The following ZNF787 variants were observed in gnomAD, a reference collection of about 807,000 sequenced individuals.
ZNF787 encodes the protein TTF-I-interacting peptide 20.
In ZNF787, 7 loss-of-function variants were observed where a neutral mutation model predicts 16.9. The ratio of observed to expected loss-of-function variants is 0.42; its 90% confidence interval spans 0.24 to 0.78. The LOEUF (loss-of-function observed/expected upper bound fraction) is 0.78, where lower values mean the gene tolerates loss of function less well. Among genes scored for constraint, ZNF787 ranks in the 30% least tolerant of loss-of-function variants. The pLI is 0.30. For missense variants in ZNF787, 551 were observed against 589.3 expected (o/e 0.94, Z 0.67); for synonymous variants, 345 against 270.9 (o/e 1.27, Z -2.69).
chr19:56,120,920 G>T (rs1232215785), intron 1 of ZNF787, among the ~76,000 whole-genome samples: 2 of 94,000 alleles, frequency 2.1e-5, no homozygotes, highest in African/African-American at 4.0e-5. Context: ...CCCCCCTCCA[G>T]CCCCGCTCGC....
At chr19:56,089,509 G>A (rs577537771) in intron 2 of ZNF787, among the ~76,000 whole-genome samples, 8 of 152,294 alleles carry the variant, frequency 5.3e-5, no homozygotes, top group Non-Finnish European at 1.0e-4. Context: ...CAGAGGGGCC[G>A]CAGGGCTTGA....
Position 56,087,792 on chromosome 19 carries a change from A to C in ZNF787, c.*231T>G, listed in dbSNP as rs1415964190. On this transcript the variant is annotated 3_prime_UTR_variant, in exon 3 of 3. Coordinates refer to ENST00000610935, the MANE Select transcript of ZNF787 (RefSeq NM_001002836.4). ...CCGGCTCGCAGGCCGATAACTTAGGAAGGGCGGGCCAGGCTGAGGGGGCAG... is the reference window on the plus strand; with the variant it reads ...CCGGCTCGCAGGCCGATAACTTAGGCAGGGCGGGCCAGGCTGAGGGGGCAG... The C allele has an allele frequency of 9.8e-6, 6 of 614,864 alleles. No individual in the cohort carries two copies. Among genetic ancestry groups the C allele is most frequent in the Non-Finnish European group, 1.4e-5 (6 of 437,016 alleles). The allele number at this position is 614,864 out of a possible 1,614,324, so 38.1% of individuals were successfully genotyped here. A position where few individuals can be genotyped will look rare whatever the true frequency, so the allele number is the denominator to read the frequency against.
chr19:56,103,090 G>A (rs376761312), intron 2 of ZNF787, 49 bp downstream of exon 2: 873 of 1,593,850 alleles, frequency 5.5e-4, no homozygotes, highest in Admixed American at 9.0e-4. Context: ...GGAAGCCAGG[G>A]TCAGGTGGGA....
At chr19:56,107,217 A>G (rs975543464) in intron 1 of ZNF787, among the ~76,000 whole-genome samples, 1 of 152,184 alleles carries the variant, frequency 6.6e-6, no homozygotes, top group Non-Finnish European at 1.5e-5. Context: ...CAGAGGCCCA[A>G]GGTCTCTCCG....
At chr19:56,120,636 G>A (rs1253727058) in intron 1 of ZNF787, among the ~76,000 whole-genome samples, 1 of 151,744 alleles carries the variant, frequency 6.6e-6, no homozygotes, top group Non-Finnish European at 1.5e-5. Context: ...GGGGAAGGAA[G>A]GGCTGGGGGG....
At chr19:56,101,929 C>T (rs1247756738) in intron 2 of ZNF787, 3 of 152,232 alleles carry the variant, frequency 2.0e-5, no homozygotes, top group African/African-American at 4.8e-5. Context: ...CCCACTGAGA[C>T]GCGGGGCAGC....
intron 2 of ZNF787, among the ~76,000 whole-genome samples, chr19:56,096,965 C>G (rs1176904389): frequency 2.0e-5 from 3 of 152,086 alleles, no homozygotes; most frequent in Admixed American, 6.5e-5. Flanking sequence ...ATCGGGAACT[C>G]CATCTGGGGT....
chr19:56,092,608 CCTTTT>C (rs1235313526), intron 2 of ZNF787, among the ~76,000 whole-genome samples: 1 of 151,040 alleles, frequency 6.6e-6, no homozygotes, highest in Non-Finnish European at 1.5e-5. Context: ...TTTCATTCAT[CCTTTT>C]CTTTGTGACA....
intron 1 of ZNF787, among the ~76,000 whole-genome samples, chr19:56,118,079 G>A (rs139188062): frequency 2.1e-3 from 315 of 152,324 alleles, no homozygotes; most frequent in African/African-American, 7.3e-3. Flanking sequence ...GCCTGGGGCC[G>A]CCCCACCTGG....
intron 2 of ZNF787, among the ~76,000 whole-genome samples, chr19:56,094,456 G>T (rs1387042285): frequency 6.7e-6 from 1 of 149,830 alleles, no homozygotes; most frequent in East Asian, 2.0e-4. Flanking sequence ...TTACAAGCAT[G>T]AGCCACCACG....
rs771561100 is a variant in ZNF787, at chr19:56,088,236, G to A, written c.936C>T (p.Gly312=). The A allele has an allele frequency of 6.1e-6, 9 of 1,477,990 alleles. No individual in the cohort carries two copies. In the African/African-American group the frequency reaches 7.4e-5, roughly 12 times the overall value. The allele number at this position is 1,477,990 out of a possible 1,614,324, so 91.6% of individuals were successfully genotyped here. ...QHGDGLGAAG[G]EEPAHICVEC... is the part of the protein sequence containing the mutation. ...CCACGCAGATGTGGGCCGGCTCCTC[G>A]CCCCCCGCCGCCCCGAGCCCGTCCC... Residue 312 remains glycine, a synonymous_variant, in exon 3 of 3, where the codon GGC becomes GGT. Transcript: ENST00000610935. The surrounding 1 kb of genome is among the most constrained non-coding windows in gnomAD (Gnocchi z 8.6).
intron 2 of ZNF787, among the ~76,000 whole-genome samples, chr19:56,089,838 G>T (rs544649350): frequency 1.3e-3 from 193 of 152,282 alleles, no homozygotes; most frequent in African/African-American, 3.7e-3. Flanking sequence ...AGTCAACGAG[G>T]CCTTTCACAC....
rs572397863 is a variant in ZNF787 at position 56,103,294 on chromosome 19, A to G, written c.-10-67T>C. 7 of 1,413,530 alleles carry G rather than the reference A, an allele frequency of 5.0e-6. No individual in the cohort carries two copies. In the South Asian group the frequency reaches 1.0e-4, roughly 20 times the overall value. 87.6% of individuals were successfully genotyped at this position (1,413,530 alleles called of 1,614,324 possible). A position where few individuals can be genotyped will look rare whatever the true frequency, so the allele number is the denominator to read the frequency against. Reference sequence around the variant, plus strand: ...TGCCAGGCTGCACCGAGGGCCCTGCAGGGAGGCAGCCTGCAGACCCCGGCG... The same window carrying G: ...TGCCAGGCTGCACCGAGGGCCCTGCGGGGAGGCAGCCTGCAGACCCCGGCG... On this transcript the variant is annotated intron_variant, in intron 1 of 2. Transcript: ENST00000610935.
intron 2 of ZNF787, among the ~76,000 whole-genome samples, chr19:56,090,380 G>T (rs939507706): frequency 6.6e-6 from 1 of 152,070 alleles, no homozygotes; most frequent in Admixed American, 6.6e-5. Context: ...AGTAGACTGG[G>T]TCCAAGAAAC....
rs5828672 is a variant in ZNF787, at chr19:56,088,071, CTCGTCG to C, written c.1095_1100del (p.Asp365_Asp366del). 1,419 of 1,470,386 alleles carry C rather than the reference CTCGTCG, an allele frequency of 9.7e-4. 32 individuals carry two copies. In the East Asian group the frequency reaches 0.026, roughly 27 times the overall value. The allele number at this position is 1,470,386 out of a possible 1,614,324, so 91.1% of individuals were successfully genotyped here. On this transcript the variant is annotated inframe_deletion, in exon 3 of 3. Coordinates refer to ENST00000610935, the MANE Select transcript of ZNF787 (RefSeq NM_001002836.4). This position sits in a 1 kb window ranked among gnomAD's most constrained non-coding sequence, Gnocchi z 8.6. ...ACTCGGGGCACCGCCCGCCCGCGGC[CTCGTCG>C]TCGTCGTCCTCCTCCTCCCCGCCCG... is the stretch of plus-strand genomic sequence containing the variant.
intron 1 of ZNF787, among the ~76,000 whole-genome samples, chr19:56,106,053 G>A (rs1430932623): frequency 7.2e-6 from 1 of 138,498 alleles, no homozygotes; most frequent in African/African-American, 2.8e-5. Context: ...CAGTCACCGC[G>A]CATTCCGCCC....
chr19:56,088,204 C>A lies in ZNF787; in HGVS notation c.968G>T (p.Gly323Val). 6.5e-7 allele frequency: 1 copy of A among 1,532,402 alleles called. No homozygotes were observed. The highest frequency in any genetic ancestry group is 8.7e-7 in the Non-Finnish European group (1 of 1,145,790). 94.9% of individuals were successfully genotyped at this position (1,532,402 alleles called of 1,614,324 possible). Residue 323 changes from glycine (G) to valine (V), a missense_variant, in exon 3 of 3, where the codon GGG (glycine) becomes GTG (valine). Physicochemically the swap from Gly to Val is moderately radical, Grantham distance 109 (BLOSUM62 -3). This residue lies in a region of ZNF787 where 392 missense variants were observed against 312.7 expected (regional missense o/e 1.25). Coordinates refer to ENST00000610935, the MANE Select transcript of ZNF787 (RefSeq NM_001002836.4). The surrounding 1 kb of genome is among the most constrained non-coding windows in gnomAD (Gnocchi z 8.6). ...EEPAHICVEC[G>V]EGFVQGAALR... Reference sequence around the variant, plus strand: ...CGCGGCGCCCTGCACGAAGCCCTCCCCGCACTCCACGCAGATGTGGGCCGG... The same window carrying A: ...CGCGGCGCCCTGCACGAAGCCCTCCACGCACTCCACGCAGATGTGGGCCGG...
intron 2 of ZNF787, among the ~76,000 whole-genome samples, chr19:56,094,025 TTTTA>T (rs145979247): frequency 0.93 from 141,204 of 151,404 alleles, 66,460 homozygotes; most frequent in Non-Finnish European, 0.99. Context: ...TCTTTTTTCA[TTTTA>T]TTTATTTATT....
Position 56,088,172 on chromosome 19 carries a change from T to G in ZNF787, c.1000A>C (p.Arg334=). The part of the protein sequence containing the change: ...EGFVQGAALR[R]HKKIHAVGAP... ...CCCACCGCGTGGATCTTCTTGTGTC[T>G]CCGGAGCGCGGCGCCCTGCACGAAG... Residue 334 remains arginine (R), a synonymous_variant, in exon 3 of 3, where the codon AGA becomes CGA. Coordinates refer to ENST00000610935, the MANE Select transcript of ZNF787 (RefSeq NM_001002836.4). This position sits in a 1 kb window ranked among gnomAD's most constrained non-coding sequence, Gnocchi z 8.6. The G allele has an allele frequency of 1.3e-6, 2 of 1,550,324 alleles. No homozygotes were observed. Among genetic ancestry groups the G allele is most frequent in the Non-Finnish European group, 1.7e-6 (2 of 1,153,816 alleles).
Sources: gnomAD v4.1 joint callset for allele counts (sites outside exome capture counted in the v4.1 genomes callset) on GRCh38, gnomAD v4.1.1 for gene constraint, gnomAD v4.1.1 regional missense constraint, Gnocchi (gnomAD v3.1) non-coding constraint, MANE v1.5 for transcripts, NCBI Gene and HGNC (gene_info 2026-07-23, HGNC 2026-07-21) for gene names.